LPAR1: variants seen among roughly 807,000 people sequenced by gnomAD.
LPAR1 encodes the protein LPA receptor 1.
In LPAR1, 5 loss-of-function variants were observed where a neutral mutation model predicts 23.8. The observed-to-expected ratio is 0.21, with a 90% CI of 0.11 to 0.44. The LOEUF is 0.44. Ranked by LOEUF, LPAR1 falls within the 20% of genes least tolerant of loss-of-function variation. The pLI is 0.99. For missense variants in LPAR1, 311 were observed against 482.8 expected, an observed-to-expected ratio of 0.64 and a Z score of 3.33; for synonymous variants, 160 against 164.7, an observed-to-expected ratio of 0.97 and a Z score of 0.22.
intron 2 of LPAR1, among the ~76,000 whole-genome samples, chr9:111,008,601 A>G (rs111283566): frequency 0.013 from 1,956 of 152,266 alleles, 44 homozygotes; most frequent in African/African-American, 0.044. Context: ...TAACAGCTGA[A>G]CTAATAGAAA....
intron 2 of LPAR1, among the ~76,000 whole-genome samples, chr9:110,993,452 T>C (rs1217833944): frequency 6.6e-6 from 1 of 152,124 alleles, no homozygotes; most frequent in Non-Finnish European, 1.5e-5. Context: ...TGTTCCTCAG[T>C]GGCTCCAAGG....
chr9:111,029,828 T>C (rs892191793), intron 2 of LPAR1, among the ~76,000 whole-genome samples: 1 of 150,708 alleles, frequency 6.6e-6, no homozygotes, highest in Non-Finnish European at 1.5e-5. Flanking sequence ...AGGCGGGTGG[T>C]TCACTTGAGG....
intron 5 of LPAR1, among the ~76,000 whole-genome samples, chr9:110,927,393 G>A (rs980824848): frequency 2.6e-5 from 4 of 152,028 alleles, no homozygotes; most frequent in African/African-American, 9.7e-5. Flanking sequence ...CAGATGAAGG[G>A]GCTGAAATTC....
At chr9:111,030,426 C>A (rs3739707) in intron 2 of LPAR1, among the ~76,000 whole-genome samples, 40,176 of 152,100 alleles carry the variant, frequency 0.26, 5,702 homozygotes, top group East Asian at 0.61. Context: ...TCCTTATCAT[C>A]TGCTGATTAC....
At chr9:110,934,432 C>G (rs1431963040) in intron 5 of LPAR1, 7 of 152,154 alleles carry the variant, frequency 4.6e-5, no homozygotes, top group Admixed American at 6.5e-5. Flanking sequence ...GGGACGTGTA[C>G]AACTAATTGA....
chr9:111,002,289 T>C (rs1477706267), intron 2 of LPAR1, among the ~76,000 whole-genome samples: 1 of 152,172 alleles, frequency 6.6e-6, no homozygotes, highest in East Asian at 1.9e-4. Flanking sequence ...TTAATTTACT[T>C]AAAAAAGGAA....
chr9:110,982,697 T>C (rs769590969), intron 2 of LPAR1, among the ~76,000 whole-genome samples: 1 of 151,762 alleles, frequency 6.6e-6, no homozygotes, highest in Non-Finnish European at 1.5e-5. Context: ...AGATTCAACA[T>C]AATCGGCATA....
chr9:110,932,298 G>A (rs2094462583), intron 5 of LPAR1, among the ~76,000 whole-genome samples: 1 of 152,204 alleles, frequency 6.6e-6, no homozygotes, highest in Admixed American at 6.5e-5. Flanking sequence ...CAGCCATGAT[G>A]ATTCTTCACA....
rs544758666 is a variant in LPAR1, at chr9:110,881,598, A to G, written c.794-5876T>C. 9.2e-5 allele frequency among the ~76,000 whole-genome samples: 14 copies of G among 152,298 alleles called. No individual in the cohort carries two copies. The East Asian group carries it at 2.7e-3, about 29-fold the overall frequency. ...TGCAACTGTACCTTGGAAAGTCCAC[A>G]TTGAAATGACTTGAATGCTAGTGCC... On this transcript the variant is annotated intron_variant, in intron 5 of 5. Transcript: ENST00000683809.
At chr9:111,016,824 G>C (rs1225150531) in intron 2 of LPAR1, among the ~76,000 whole-genome samples, 2 of 152,254 alleles carry the variant, frequency 1.3e-5, no homozygotes, top group East Asian at 3.8e-4. Flanking sequence ...TGTCTGAACT[G>C]TCTTGCTTTG....
chr9:110,893,269 G>A (rs1213345821), intron 5 of LPAR1, among the ~76,000 whole-genome samples: 2 of 152,084 alleles, frequency 1.3e-5, no homozygotes, highest in African/African-American at 2.4e-5. Context: ...AGATATACTT[G>A]AAGAAGCATA....
Position 110,896,921 on chromosome 9 carries a change from G to A in LPAR1, c.794-21199C>T, listed in dbSNP as rs566141954. On this transcript the variant is annotated intron_variant, in intron 5 of 5. Coordinates refer to ENST00000683809, the MANE Select transcript of LPAR1 (RefSeq NM_001351411.2). Reference sequence around the variant, plus strand: ...TCCTGCCTCAGCCTCCCGAGTAGCTGGGACTACAGGCGCCTGCCACCACGC... The same window carrying A: ...TCCTGCCTCAGCCTCCCGAGTAGCTAGGACTACAGGCGCCTGCCACCACGC... 6.8e-3 allele frequency among the ~76,000 whole-genome samples: 1,037 copies of A among 151,676 alleles called. 14 individuals are homozygous for A. Among genetic ancestry groups the A allele is most frequent in the African/African-American group, 0.024 (973 of 41,318 alleles).
chr9:110,936,175 C>G (rs2094695510), intron 5 of LPAR1, among the ~76,000 whole-genome samples: 1 of 152,222 alleles, frequency 6.6e-6, no homozygotes, highest in South Asian at 2.1e-4. Flanking sequence ...TTAGTCTCCT[C>G]TACTACATCA....
In LPAR1 at chr9:110,977,156, G is replaced by T. The variant is rs185431753; in HGVS notation, c.-181-3598C>A. On this transcript the variant is annotated intron_variant, in intron 2 of 5. Coordinates refer to ENST00000683809, the MANE Select transcript of LPAR1 (RefSeq NM_001351411.2). Reference sequence around the variant, plus strand: ...GCACAACCAGAAAATAAGCAAATGAGAATCCACTAAACCCATAATGATACC... The same window carrying T: ...GCACAACCAGAAAATAAGCAAATGATAATCCACTAAACCCATAATGATACC... Among the ~76,000 whole-genome samples the T allele has an allele frequency of 2.0e-5, 3 of 152,284 alleles. No homozygotes were observed. In the East Asian group the frequency reaches 5.8e-4, roughly 29 times the overall value.
chr9:110,984,588 T>A (rs911648238), intron 2 of LPAR1, among the ~76,000 whole-genome samples: 1 of 152,206 alleles, frequency 6.6e-6, no homozygotes, highest in East Asian at 1.9e-4. Context: ...TTTGGGTATA[T>A]ACTTAGCAGT....
At chr9:111,026,462 T>C (rs2097693728) in intron 2 of LPAR1, among the ~76,000 whole-genome samples, 1 of 152,224 alleles carries the variant, frequency 6.6e-6, no homozygotes. Flanking sequence ...TACAATCATG[T>C]CATTTGCAAA....
chr9:110,953,749 G>A (rs546952440), intron 4 of LPAR1, among the ~76,000 whole-genome samples: 6 of 151,176 alleles, frequency 4.0e-5, no homozygotes, highest in African/African-American at 1.2e-4. Flanking sequence ...CACATACTCA[G>A]AATCAAAGCC....
intron 2 of LPAR1, among the ~76,000 whole-genome samples, chr9:111,035,439 G>C (rs984334523): frequency 2.0e-5 from 3 of 152,068 alleles, no homozygotes; most frequent in Non-Finnish European, 4.4e-5. Flanking sequence ...GCCCAGGTTG[G>C]TCTCAAACTC....
At chr9:110,931,954 A>C (rs571740720) in intron 5 of LPAR1, among the ~76,000 whole-genome samples, 133 of 151,234 alleles carry the variant, frequency 8.8e-4, no homozygotes, top group African/African-American at 3.2e-3. Flanking sequence ...GTCAGGTAGC[A>C]TGATGCCTCC....
Sources: gnomAD v4.1 joint callset for allele counts (sites outside exome capture counted in the v4.1 genomes callset) on GRCh38, gnomAD v4.1.1 for gene constraint, MANE v1.5 for transcripts, NCBI Gene and HGNC (gene_info 2026-07-23, HGNC 2026-07-21) for gene names.